REPS2: variants seen among roughly 807,000 people sequenced by gnomAD.
REPS2 encodes RALBP1 associated Eps domain containing 2.
In REPS2, 23 loss-of-function variants were observed where a neutral mutation model predicts 53.6. The ratio of observed to expected loss-of-function variants is 0.43; its 90% CI spans 0.31 to 0.61. The LOEUF is 0.61. REPS2 is among the 20% of genes least tolerant of loss of function. The pLI is 0.11. For synonymous variants in REPS2, 238 were observed against 218.6 expected (o/e 1.09, Z -0.78); for missense variants, 446 against 534.9 (o/e 0.83, Z 1.64).
intron 6 of REPS2, among the ~76,000 whole-genome samples, chrX:17,050,194 C>T (rs866368532): frequency 6.0e-4 from 31 of 51,786 alleles, no homozygotes; most frequent in African/African-American, 1.9e-3. Context: ...TTCTTTCTTT[C>T]TTTTTTTTTT....
chrX:17,035,848 A>G (rs2061758792), intron 5 of REPS2, among the ~76,000 whole-genome samples: 1 of 111,846 alleles, frequency 8.9e-6, no homozygotes, highest in South Asian at 3.7e-4. Context: ...ATATAATTAC[A>G]TGTAATATAT....
In REPS2 at chrX:16,954,805, C is replaced by CTTTT. The variant is rs58924467; in HGVS notation, c.273+7691_273+7694dup. ...GGTTGTTTTTGCTAATTATTTATAA[C>CTTTT]TTTTTTTTTTTTTTTTTTTTTTTGA... is the stretch of plus-strand genomic sequence containing the variant. On this transcript the variant is annotated intron_variant, in intron 1 of 17. Coordinates refer to ENST00000357277, the MANE Select transcript of REPS2 (RefSeq NM_004726.3). 5.0e-3 allele frequency among the ~76,000 whole-genome samples: 298 copies of CTTTT among 59,285 alleles called. 1 individual carries two copies. The highest frequency in any genetic ancestry group is 7.7e-3 in the Non-Finnish European group (263 of 33,953). 51.5% of individuals were successfully genotyped at this position (59,285 alleles called of 115,157 possible). A position where few individuals can be genotyped will look rare whatever the true frequency, so the allele number is the denominator to read the frequency against.
chrX:17,091,430 G>A (rs1385042875), intron 13 of REPS2, among the ~76,000 whole-genome samples: 1 of 111,545 alleles, frequency 9.0e-6, no homozygotes, highest in South Asian at 3.8e-4. Flanking sequence ...ATTACTGCTC[G>A]ATAGTAGCCT....
At chrX:17,028,004 C>T (rs765585581) in intron 4 of REPS2, among the ~76,000 whole-genome samples, 1 of 110,985 alleles carries the variant, frequency 9.0e-6, no homozygotes, top group Non-Finnish European at 1.9e-5. Context: ...CCAGATTTCC[C>T]ACACAAGTAG....
At chrX:17,154,270 C>T (rs1306052796), downstream of REPS2, among the ~76,000 whole-genome samples, 1 of 112,033 alleles carries the variant, frequency 8.9e-6, no homozygotes, top group Non-Finnish European at 1.9e-5. Flanking sequence ...TGCTGTGCTA[C>T]ATTTTCTATC....
chrX:16,956,731 C>G (rs2060602821), intron 1 of REPS2, among the ~76,000 whole-genome samples: 1 of 112,350 alleles, frequency 8.9e-6, no homozygotes, highest in Non-Finnish European at 1.9e-5. Flanking sequence ...TTTTATCTGG[C>G]CCTCTCAGCT....
At chrX:16,949,955 A>G (rs1019108797) in intron 1 of REPS2, among the ~76,000 whole-genome samples, 1 of 111,397 alleles carries the variant, frequency 9.0e-6, no homozygotes, top group African/African-American at 3.3e-5. Flanking sequence ...GGACAAATGT[A>G]TAATGACGGT....
intron 1 of REPS2, among the ~76,000 whole-genome samples, chrX:16,977,792 C>T (rs778601280): frequency 9.1e-6 from 1 of 110,426 alleles, no homozygotes; most frequent in African/African-American, 3.3e-5. Context: ...TAAGAGCCCA[C>T]CCCAGAATTT....
Position 17,029,557 on chromosome X carries a change from G to A in REPS2, c.705G>A (p.Gln235=), listed in dbSNP as rs753183113. ...APYEARQPLV[Q]PEGSSSGGPG... is the part of the protein sequence containing the mutation. ...ATGAAGCTAGGCAGCCCCTTGTCCA[G>A]CCCGAGGGATCCTCATCAGGGGGCC... Residue 235 remains glutamine, a synonymous_variant, in exon 5 of 18, where the codon CAG becomes CAA. Coordinates refer to ENST00000357277, the MANE Select transcript of REPS2 (RefSeq NM_004726.3). 40 of 1,209,287 alleles carry A rather than the reference G, an allele frequency of 3.3e-5. No homozygotes were observed. Among genetic ancestry groups the A allele is most frequent in the Non-Finnish European group, 4.5e-5 (40 of 894,466 alleles).
Position 17,103,750 on chromosome X carries a change from G to A in REPS2, c.1549G>A (p.Ala517Thr), listed in dbSNP as rs1603028389. Residue 517 changes from alanine to threonine, a missense_variant, in exon 14 of 18, where the codon GCG (alanine) becomes ACG (threonine). By Grantham distance (58) the Ala-to-Thr change is moderately conservative. Transcript: ENST00000357277. ...GTCAGGATTGTTACCCCCACCACCT[G>A]CGCTCCCTCCAAGACCTTGTCCATC... is the stretch of plus-strand genomic sequence containing the variant. ...TKSGLLPPPP[A>T]LPPRPCPSQS... 1.7e-6 allele frequency: 2 copies of A among 1,210,774 alleles called. No homozygotes were observed. The highest frequency in any genetic ancestry group is 2.2e-6 in the Non-Finnish European group (2 of 894,994).
At chrX:16,979,313 G>A (rs1253118292) in intron 1 of REPS2, among the ~76,000 whole-genome samples, 4 of 112,010 alleles carry the variant, frequency 3.6e-5, no homozygotes, top group Non-Finnish European at 7.5e-5. Context: ...GGAACTGAAT[G>A]TTTTCAATTA....
chrX:17,002,326 G>A (rs2061317799), intron 1 of REPS2, among the ~76,000 whole-genome samples: 1 of 111,183 alleles, frequency 9.0e-6, no homozygotes, highest in Non-Finnish European at 1.9e-5. Context: ...TGATAGGGAG[G>A]TGCCCAACCA....
chrX:17,157,839 A>G (rs2063625858), downstream of REPS2, among the ~76,000 whole-genome samples: 1 of 112,200 alleles, frequency 8.9e-6, no homozygotes, highest in Middle Eastern at 4.6e-3. Flanking sequence ...TTCAGATATC[A>G]CCAGGGTTCA....
the REPS2 span, among the ~76,000 whole-genome samples, chrX:17,185,458 T>C: frequency 9.0e-5 from 10 of 111,719 alleles, no homozygotes; most frequent in African/African-American, 2.9e-4. Context: ...CATGCCCCCA[T>C]TGGATTGTAA....
intron 13 of REPS2, among the ~76,000 whole-genome samples, chrX:17,086,003 G>A (rs768455535): frequency 1.8e-5 from 2 of 111,665 alleles, no homozygotes; most frequent in East Asian, 2.8e-4. Flanking sequence ...GAATTCAATC[G>A]AGGGCTACAT....
At chrX:16,966,721 C>T (rs758076636) in intron 1 of REPS2, among the ~76,000 whole-genome samples, 24 of 112,121 alleles carry the variant, frequency 2.1e-4, no homozygotes, top group South Asian at 7.4e-4. Flanking sequence ...CTGATATGCA[C>T]GGTACTACTG....
chrX:17,094,699 T>C (rs1473328126), intron 13 of REPS2, among the ~76,000 whole-genome samples: 1 of 111,994 alleles, frequency 8.9e-6, no homozygotes, highest in African/African-American at 3.2e-5. Flanking sequence ...CTGAATGTTC[T>C]TTGTAAATAG....
rs199784492 is a variant in REPS2 at position 17,120,846 on chromosome X, C to T, written c.1579-12978C>T. Among the ~76,000 whole-genome samples, 13 of 111,972 alleles carry T rather than the reference C, an allele frequency of 1.2e-4. No homozygotes were observed. In the East Asian group the frequency reaches 2.0e-3, roughly 17 times the overall value. ...ATCAATTGGCAAGAGGCACGCATAG[C>T]GCATCTTCAACCTTTTCCATCGGGG... On this transcript the variant is annotated intron_variant, in intron 14 of 17. Transcript: ENST00000357277.
At position 17,147,387 on chromosome X, in the gene REPS2, T is replaced by C. The variant is rs746271938; in HGVS notation, c.1915-26T>C. On this transcript the variant is annotated intron_variant, in intron 17 of 17. Coordinates refer to ENST00000357277, the MANE Select transcript of REPS2 (RefSeq NM_004726.3). ...AAGAAATGACCCCTTTGCTTTTTTG[T>C]TTTTCTTGTGTTTTGTACAACTCAG... The C allele has an allele frequency of 4.3e-6, 5 of 1,173,465 alleles. No individual in the cohort carries two copies. In the Admixed American group the frequency reaches 6.8e-5, roughly 16 times the overall value.
Sources: allele counts gnomAD v4.1 joint callset (sites outside exome capture counted in the v4.1 genomes callset), GRCh38; gene constraint gnomAD v4.1.1; transcripts MANE v1.5; gene names NCBI Gene and HGNC (gene_info 2026-07-23, HGNC 2026-07-21).